Variants in C5orf46 observed in about 807,000 individuals in gnomAD.
C5orf46 encodes uncharacterized protein C5orf46.
In C5orf46, 9 loss-of-function variants were observed where a neutral mutation model predicts 8.9. That is an observed-to-expected ratio of 1.01 (90% CI 0.61 to 1.76). The LOEUF is 1.76. C5orf46 is among the 40% of genes most tolerant of loss of function. The pLI is 0.00. For missense variants in C5orf46, 98 were observed against 107.8 expected (o/e 0.91, Z 0.40); for synonymous variants, 47 against 41.4 (o/e 1.14, Z -0.52).
At position 147,901,576 on chromosome 5, in the gene C5orf46, G is replaced by A. The variant is rs762143609; in HGVS notation, c.215+53C>T. The A allele has an allele frequency of 2.4e-5, 38 of 1,551,936 alleles. 1 individual carries two copies. The South Asian group carries it at 4.4e-4, about 18-fold the overall frequency. On this transcript the variant is annotated intron_variant, in intron 2 of 3. Coordinates refer to ENST00000318315, the MANE Select transcript of C5orf46 (RefSeq NM_206966.3). ...TTTTAATGCCATGAGGTCATTGTGT[G>A]GTCATTATCAACAGAGAATTGGACA...
downstream of C5orf46, among the ~76,000 whole-genome samples, chr5:147,890,089 G>A (rs1391968648): frequency 1.3e-5 from 2 of 152,214 alleles, no homozygotes; most frequent in Non-Finnish European, 2.9e-5. Flanking sequence ...AAATCTTTCC[G>A]GATTTCCGAG....
At position 147,901,779 on chromosome 5, in the gene C5orf46, AAAC is replaced by A. The variant is rs1198037899; in HGVS notation, c.71-9_71-7del. ...TGGCTTGTCTGGTTTGTCGTCTGAAAAACAACAGAATCTCAGAGGTGATTCTCA... is the reference window on the plus strand; with the variant it reads ...TGGCTTGTCTGGTTTGTCGTCTGAAAAACAGAATCTCAGAGGTGATTCTCA... On this transcript the variant is annotated splice_polypyrimidine_tract_variant and splice_region_variant and intron_variant, in intron 1 of 3. Coordinates refer to ENST00000318315, the MANE Select transcript of C5orf46 (RefSeq NM_206966.3). 27 of 1,612,806 alleles carry A rather than the reference AAAC, an allele frequency of 1.7e-5. No individual in the cohort carries two copies. Among genetic ancestry groups the A allele is most frequent in the Non-Finnish European group, 2.3e-5 (27 of 1,179,478 alleles).
chr5:147,888,266 T>C (rs1757452226), downstream of C5orf46, among the ~76,000 whole-genome samples: 1 of 152,212 alleles, frequency 6.6e-6, no homozygotes, highest in Admixed American at 6.5e-5. Context: ...TTTGGCTGGC[T>C]TCTTGCTTTA....
chr5:147,892,062 C>A (rs1268017201), downstream of C5orf46, among the ~76,000 whole-genome samples: 1 of 152,230 alleles, frequency 6.6e-6, no homozygotes, highest in East Asian at 1.9e-4. Context: ...CACATAGAAA[C>A]TTTATTCTAG....
At chr5:147,906,130 A>G (rs1402271038) in intron 1 of C5orf46, among the ~76,000 whole-genome samples, 2 of 152,196 alleles carry the variant, frequency 1.3e-5, no homozygotes, top group African/African-American at 4.8e-5. Context: ...ATTAGGAATA[A>G]TTATCAAAAA....
At chr5:147,897,764 T>C (rs1757606310) in intron 2 of C5orf46, among the ~76,000 whole-genome samples, 1 of 152,170 alleles carries the variant, frequency 6.6e-6, no homozygotes, top group South Asian at 2.1e-4. Flanking sequence ...CAGAGTTTGT[T>C]TTTGAATTGG....
At chr5:147,900,263 AG>A (rs1184025248) in intron 2 of C5orf46, among the ~76,000 whole-genome samples, 1 of 152,202 alleles carries the variant, frequency 6.6e-6, no homozygotes, top group Admixed American at 6.5e-5. Flanking sequence ...ATTAAAAAAA[AG>A]CACCTGTGAG....
intron 2 of C5orf46, among the ~76,000 whole-genome samples, chr5:147,897,733 T>C (rs998797504): frequency 6.6e-6 from 1 of 152,208 alleles, no homozygotes; most frequent in Admixed American, 6.5e-5. Flanking sequence ...TTTCTGATGT[T>C]AAGTGTCTAT....
chr5:147,900,930 A>G (rs956019994), intron 2 of C5orf46, among the ~76,000 whole-genome samples: 5 of 152,212 alleles, frequency 3.3e-5, no homozygotes, highest in African/African-American at 1.2e-4. Flanking sequence ...GGCAAAAATA[A>G]TATGTATTGG....
chr5:147,891,241 T>G (rs1757499406), downstream of C5orf46, among the ~76,000 whole-genome samples: 1 of 152,262 alleles, frequency 6.6e-6, no homozygotes, highest in Non-Finnish European at 1.5e-5. Context: ...AGTTATGAGA[T>G]TACAAGGAGA....
At chr5:147,892,275 C>A (rs1165666882), downstream of C5orf46, among the ~76,000 whole-genome samples, 2 of 152,168 alleles carry the variant, frequency 1.3e-5, no homozygotes, top group African/African-American at 4.8e-5. Flanking sequence ...GAAAGGCCTG[C>A]AACTAAACAT....
At chr5:147,886,400 T>C (rs1757416600) in intron 2 of C5orf46, 1 of 151,950 alleles carries the variant, frequency 6.6e-6, no homozygotes, top group Admixed American at 6.6e-5. Context: ...ATAGTTATCT[T>C]AAAAAGTTTA....
At chr5:147,892,652 T>G (rs930779560), downstream of C5orf46, 1 of 152,208 alleles carries the variant, frequency 6.6e-6, no homozygotes, top group South Asian at 2.1e-4. Flanking sequence ...GAGATATATA[T>G]TTGCATCATT....
At chr5:147,900,634 C>T (rs770520708) in intron 2 of C5orf46, among the ~76,000 whole-genome samples, 1 of 152,174 alleles carries the variant, frequency 6.6e-6, no homozygotes, top group African/African-American at 2.4e-5. Context: ...AAAACCATAT[C>T]CATGGCCTTG....
chr5:147,889,843 T>C (rs1177724504), downstream of C5orf46, among the ~76,000 whole-genome samples: 1 of 152,148 alleles, frequency 6.6e-6, no homozygotes, highest in Non-Finnish European at 1.5e-5. Flanking sequence ...GAGGATTCAA[T>C]GAGGTAGCAT....
intron 2 of C5orf46, chr5:147,887,377 C>T (rs909170638): frequency 5.9e-5 from 9 of 152,164 alleles, no homozygotes; most frequent in African/African-American, 2.2e-4. Flanking sequence ...TTTCTAGTAA[C>T]TACCTCTGAC....
chr5:147,894,138 T>A (rs1289375500), intron 3 of C5orf46, among the ~76,000 whole-genome samples: 1 of 152,092 alleles, frequency 6.6e-6, no homozygotes, highest in African/African-American at 2.4e-5. Context: ...AAAACACTTG[T>A]ATAAAAATTA....
chr5:147,893,246 G>A (rs1757528671), intron 3 of C5orf46, among the ~76,000 whole-genome samples: 1 of 150,814 alleles, frequency 6.6e-6, no homozygotes, highest in African/African-American at 2.4e-5. Flanking sequence ...TGGATAGATA[G>A]GTGATGAAAA....
chr5:147,897,047 G>T lies in C5orf46; in HGVS notation c.216-6C>A. The T allele has an allele frequency of 7.4e-7, 1 of 1,358,028 alleles. No homozygotes were observed. Among genetic ancestry groups the T allele is most frequent in the Non-Finnish European group, 1.0e-6 (1 of 971,348 alleles). 84.1% of individuals were successfully genotyped at this position (1,358,028 alleles called of 1,614,324 possible). ...CATCAAATTCCATAAATCCTCTTGA[G>T]AAAAAAAGAGAAAATAAGAATTACA... is the stretch of plus-strand genomic sequence containing the variant. On this transcript the variant is annotated splice_polypyrimidine_tract_variant and splice_region_variant and intron_variant, in intron 2 of 3. Transcript: ENST00000318315.
Sources: allele counts gnomAD v4.1 joint callset (sites outside exome capture counted in the v4.1 genomes callset), GRCh38; gene constraint gnomAD v4.1.1; transcripts MANE v1.5; gene names NCBI Gene and HGNC (gene_info 2026-07-23, HGNC 2026-07-21).